GMDS: variants seen among roughly 807,000 people sequenced by gnomAD.
The protein encoded by GMDS is GDP-mannose 4,6 dehydratase.
GMDS carries 20 observed loss-of-function variants against 49.9 expected under a neutral mutation model. The ratio of observed to expected loss-of-function variants is 0.40; its 90% CI spans 0.28 to 0.58. GMDS has a LOEUF of 0.58. Among genes scored for constraint, GMDS ranks in the 20% least tolerant of loss-of-function variants. The probability of loss-of-function intolerance (pLI) is 0.42; values close to 1 mark genes in which losing one functional copy is unlikely to be tolerated. For missense variants in GMDS, 362 were observed against 481.4 expected (o/e 0.75, Z 2.32); for synonymous variants, 177 against 178.6 (o/e 0.99, Z 0.07).
chr6:2,207,878 T>A (rs1332929033), intron 1 of GMDS, among the ~76,000 whole-genome samples: 1 of 151,790 alleles, frequency 6.6e-6, no homozygotes, highest in African/African-American at 2.4e-5. Context: ...AACAGGAAAA[T>A]ATTGAGAAGA....
At chr6:2,237,518 C>CT (rs397885506) in intron 1 of GMDS, among the ~76,000 whole-genome samples, 12,636 of 125,784 alleles carry the variant, frequency 0.1, 955 homozygotes, top group East Asian at 0.19. Flanking sequence ...TTGGAAGTAC[C>CT]TTTTTTTTTT....
In GMDS at chr6:1,922,214, G is replaced by A. The variant is rs532810097; in HGVS notation, c.771+7889C>T. ...CTGCTAGGAAGACAGGAACGATGTT[G>A]TTAAGATAGAGAGCTCTCAGCAGAT... On this transcript the variant is annotated intron_variant, in intron 7 of 10. Transcript: ENST00000380815. Among the ~76,000 whole-genome samples, 3 of 152,332 alleles carry A rather than the reference G, an allele frequency of 2.0e-5. No homozygotes were observed. The South Asian group carries it at 6.2e-4, about 32-fold the overall frequency.
At chr6:1,708,713 T>G (rs1414205177) in intron 9 of GMDS, among the ~76,000 whole-genome samples, 1 of 152,248 alleles carries the variant, frequency 6.6e-6, no homozygotes, top group East Asian at 1.9e-4. Flanking sequence ...GAAAGGCCAG[T>G]GAGCGCCGGG....
chr6:2,114,036 A>G (rs927134659), intron 4 of GMDS, among the ~76,000 whole-genome samples: 1 of 152,238 alleles, frequency 6.6e-6, no homozygotes, highest in Non-Finnish European at 1.5e-5. Flanking sequence ...AAACACTATC[A>G]TGATCACTAC....
intron 7 of GMDS, among the ~76,000 whole-genome samples, chr6:1,915,687 T>C (rs541192453): frequency 6.6e-6 from 1 of 152,356 alleles, no homozygotes; most frequent in African/African-American, 2.4e-5. Context: ...GTCGGCCGAA[T>C]GAACGCGCCT....
At position 1,635,012 on chromosome 6, in the gene GMDS, A is replaced by C. The variant is rs1763101120; in HGVS notation, c.988-10472T>G. ...ACATTCTACGAATCAACAATGCCAG[A>C]AGCGAAGTTCTCCTAGTGGAGTCTG... On this transcript the variant is annotated intron_variant, in intron 9 of 10. Coordinates refer to ENST00000380815, the MANE Select transcript of GMDS (RefSeq NM_001500.4). This position sits in a 1 kb window ranked among gnomAD's most constrained non-coding sequence, Gnocchi z 4.7. Among the ~76,000 whole-genome samples, 1 of 152,202 alleles carries C rather than the reference A, an allele frequency of 6.6e-6. No individual in the cohort carries two copies. The highest frequency in any genetic ancestry group is 2.4e-5 in the African/African-American group (1 of 41,438).
rs902639125 is a variant in GMDS, at chr6:2,191,547, C to T, written c.102+53774G>A. Among the ~76,000 whole-genome samples the T allele has an allele frequency of 1.3e-5, 2 of 152,286 alleles. No individual in the cohort carries two copies. The highest frequency in any genetic ancestry group is 1.9e-4 in the East Asian group (1 of 5,174). On this transcript the variant is annotated intron_variant, in intron 1 of 10. Transcript: ENST00000380815. This position sits in a 1 kb window ranked among gnomAD's most constrained non-coding sequence, Gnocchi z 4.6. Reference sequence around the variant, plus strand: ...GGCCCCCGCCTTGCCCTTGCAGGCTCGGAGGTGCCTACCTCCACTGTCTGG... The same window carrying T: ...GGCCCCCGCCTTGCCCTTGCAGGCTTGGAGGTGCCTACCTCCACTGTCTGG...
chr6:2,051,879 G>A (rs185198787), intron 4 of GMDS, among the ~76,000 whole-genome samples: 11 of 152,168 alleles, frequency 7.2e-5, no homozygotes, highest in Non-Finnish European at 1.3e-4. Flanking sequence ...AGCACTTTGG[G>A]AGGCCTAGGC....
intron 1 of GMDS, among the ~76,000 whole-genome samples, chr6:2,142,929 T>G (rs970862584): frequency 3.9e-5 from 6 of 152,130 alleles, no homozygotes; most frequent in African/African-American, 4.8e-5. Context: ...CTCTTCCAGC[T>G]GCCCCTGTCC....
intron 1 of GMDS, among the ~76,000 whole-genome samples, chr6:2,186,532 C>T (rs138215780): frequency 8.5e-5 from 13 of 152,314 alleles, no homozygotes; most frequent in African/African-American, 3.1e-4. Context: ...AATGTGTTCG[C>T]TAGCCTTTCC....
intron 1 of GMDS, among the ~76,000 whole-genome samples, chr6:2,169,427 T>A (rs1777830540): frequency 6.6e-6 from 1 of 151,376 alleles, no homozygotes; most frequent in African/African-American, 2.4e-5. Context: ...GCCAACATGG[T>A]AAGACCCTCG....
intron 7 of GMDS, among the ~76,000 whole-genome samples, chr6:1,862,770 C>T (rs757848769): frequency 1.8e-4 from 28 of 152,282 alleles, no homozygotes; most frequent in Middle Eastern, 6.8e-3. Flanking sequence ...CGGTGATCTA[C>T]ATTCTTCTTT....
intron 7 of GMDS, among the ~76,000 whole-genome samples, chr6:1,911,452 T>C (rs1330838579): frequency 6.6e-6 from 1 of 152,098 alleles, no homozygotes; most frequent in Non-Finnish European, 1.5e-5. Context: ...GTCACTCTGC[T>C]GATAACCATG....
chr6:1,775,846 A>AT (rs1305926666), intron 7 of GMDS, among the ~76,000 whole-genome samples: 1 of 152,128 alleles, frequency 6.6e-6, no homozygotes, highest in Non-Finnish European at 1.5e-5. Flanking sequence ...CATAATAGTT[A>AT]TTTTTTCTTC....
chr6:1,853,807 A>T (rs1054261162), intron 7 of GMDS, among the ~76,000 whole-genome samples: 1 of 152,250 alleles, frequency 6.6e-6, no homozygotes, highest in Non-Finnish European at 1.5e-5. Flanking sequence ...TATCAATTCT[A>T]TGTGGATCAA....
chr6:2,025,357 G>GGGGTGT (rs1768522183), intron 4 of GMDS, among the ~76,000 whole-genome samples: 1 of 136,576 alleles, frequency 7.3e-6, no homozygotes, highest in African/African-American at 2.7e-5. Flanking sequence ...CTGATGGTGG[G>GGGGTGT]GTGTGTGTGT....
At chr6:1,674,403 C>A (rs921041547) in intron 9 of GMDS, among the ~76,000 whole-genome samples, 1 of 152,024 alleles carries the variant, frequency 6.6e-6, no homozygotes, top group Non-Finnish European at 1.5e-5. Context: ...TTTGTACATT[C>A]TAGATAATCA....
At chr6:2,094,393 ATAGC>A (rs1334700571) in intron 4 of GMDS, among the ~76,000 whole-genome samples, 2 of 152,274 alleles carry the variant, frequency 1.3e-5, no homozygotes, top group Non-Finnish European at 2.9e-5. Flanking sequence ...ACAAGGAAAT[ATAGC>A]TAAGAGACCA....
In GMDS at chr6:2,083,733, TAAC is replaced by T. The variant is rs141081086; in HGVS notation, c.345+32035_345+32037del. Reference sequence around the variant, plus strand: ...CCTTCATGCAATTTGAGTCTTAATATAACTACAGCTTATTGGGTAAGTCCATCA... The same window carrying T: ...CCTTCATGCAATTTGAGTCTTAATATTACAGCTTATTGGGTAAGTCCATCA... On this transcript the variant is annotated intron_variant, in intron 4 of 10. Coordinates refer to ENST00000380815, the MANE Select transcript of GMDS (RefSeq NM_001500.4). Among the ~76,000 whole-genome samples the T allele has an allele frequency of 1.9e-3, 287 of 152,332 alleles. 1 individual carries two copies. The highest frequency in any genetic ancestry group is 6.5e-3 in the African/African-American group (271 of 41,578).
Sources: allele counts gnomAD v4.1 joint callset (sites outside exome capture counted in the v4.1 genomes callset), GRCh38; gene constraint gnomAD v4.1.1; non-coding constraint Gnocchi (gnomAD v3.1); transcripts MANE v1.5; gene names NCBI Gene and HGNC (gene_info 2026-07-23, HGNC 2026-07-21).